Variants in NOTCH2 observed in about 807,000 individuals in gnomAD.
The protein encoded by NOTCH2 is neurogenic locus notch homolog protein 2.
In NOTCH2, 29 loss-of-function variants were observed where a neutral mutation model predicts 235.8. The ratio of observed to expected loss-of-function variants is 0.12; its 90% CI spans 0.09 to 0.17. The LOEUF (loss-of-function observed/expected upper bound fraction) is 0.17, where lower values mean the gene tolerates loss of function less well. Among genes scored for constraint, NOTCH2 ranks in the 10% least tolerant of loss-of-function variants. NOTCH2 has a pLI of 1.00. For synonymous variants in NOTCH2, 1,086 were observed against 1,141.5 expected (o/e 0.95, Z 0.98); for missense variants, 2,285 against 3,150.2 (o/e 0.73, Z 6.57).
Position 119,916,500 on chromosome 1 carries a change from G to C in NOTCH2, c.6222C>G (p.Thr2074=), listed in dbSNP as rs764335447. Residue 2074 remains threonine, a synonymous_variant, in exon 34 of 34, where the codon ACC becomes ACG. Transcript: ENST00000256646. ...CAGGTGAGAGAGCAGAAGTCAACAC[G>C]GTGCCTGGAGGGCTTGGGGTCACAT... ...EYNVTPSPPG[T]VLTSALSPVI... is the part of the protein sequence containing the mutation. 6.2e-7 allele frequency: 1 copy of C among 1,612,274 alleles called. No homozygotes were observed. Among genetic ancestry groups the C allele is most frequent in the Non-Finnish European group, 8.5e-7 (1 of 1,178,406 alleles).
intron 1 of NOTCH2, among the ~76,000 whole-genome samples, chr1:120,063,297 C>T (rs1306431890): frequency 6.6e-6 from 1 of 152,150 alleles, no homozygotes; most frequent in Non-Finnish European, 1.5e-5. Context: ...TCTCTCCACA[C>T]TAACACATCT....
chr1:119,951,367 G>T (rs1650466743), intron 14 of NOTCH2, among the ~76,000 whole-genome samples: 1 of 152,016 alleles, frequency 6.6e-6, no homozygotes, highest in East Asian at 1.9e-4. Flanking sequence ...GCCTAGGCTG[G>T]TCTCCAATTT....
rs587638786 is a variant in NOTCH2, at chr1:120,001,726, C to T, written c.415+3603G>A. The stretch of plus-strand genomic sequence containing the variant: ...TTTGCCTATCCTGCATGCAATGGTT[C>T]TGCCAAGACTACCATCCGCGGACTC... On this transcript the variant is annotated intron_variant, in intron 3 of 33. Coordinates refer to ENST00000256646, the MANE Select transcript of NOTCH2 (RefSeq NM_024408.4). Among the ~76,000 whole-genome samples the T allele has an allele frequency of 3.7e-4, 56 of 152,292 alleles. No individual in the cohort carries two copies. In the South Asian group the frequency reaches 7.1e-3, roughly 19 times the overall value.
rs200812134 is a variant in NOTCH2 at position 120,005,286 on chromosome 1, C to A, written c.415+43G>T. On this transcript the variant is annotated intron_variant, in intron 3 of 33. Transcript: ENST00000256646. ...TCTAAAAGATGCTAAATAAAGGTAT[C>A]TGCTGAAGGTAGGAAACCACTGGCT... 4,834 of 1,613,964 alleles carry A rather than the reference C, an allele frequency of 3.0e-3. 15 individuals are homozygous for A. Among genetic ancestry groups the A allele is most frequent in the Non-Finnish European group, 3.8e-3 (4,427 of 1,179,836 alleles).
chr1:119,988,933 A>C (rs1652122856), intron 4 of NOTCH2, among the ~76,000 whole-genome samples: 1 of 152,232 alleles, frequency 6.6e-6, no homozygotes, highest in South Asian at 2.1e-4. Context: ...CCAACCACAG[A>C]CAAGAAAGCA....
chr1:119,943,619 A>T (rs587636708), intron 17 of NOTCH2, among the ~76,000 whole-genome samples: 10 of 152,324 alleles, frequency 6.6e-5, no homozygotes, highest in African/African-American at 1.2e-4. Context: ...AAAGATTTTT[A>T]AAAAAATTCA....
At position 119,918,544 on chromosome 1, in the gene NOTCH2, G is replaced by A. The variant is rs983208690; in HGVS notation, c.5791C>T (p.Arg1931Cys). 2 of 1,613,960 alleles carry A rather than the reference G, an allele frequency of 1.2e-6. No homozygotes were observed. Among genetic ancestry groups the A allele is most frequent in the South Asian group, 1.1e-5 (1 of 91,086 alleles). ...DAQGVFQILIRNRVTDLDARM... is the reference protein window; with the variant it reads ...DAQGVFQILICNRVTDLDARM... ...GCATCTAGATCAGTTACTCGGTTGC[G>A]AATCAGAATCTAGAAGAGGAGAAAG... is the stretch of plus-strand genomic sequence containing the variant. The change falls in exon 32 of 34, where the codon CGC becomes TGC. Residue 1931 changes from arginine to cysteine, a missense_variant. Physicochemically the swap from Arg to Cys is radical, Grantham distance 180. This residue lies in a region of NOTCH2 where 128 missense variants were observed against 255.9 expected (regional missense o/e 0.50). Transcript: ENST00000256646.
At chr1:119,971,183 C>G (rs1651346028) in intron 5 of NOTCH2, among the ~76,000 whole-genome samples, 1 of 152,222 alleles carries the variant, frequency 6.6e-6, no homozygotes, top group African/African-American at 2.4e-5. Context: ...GGTTGCACAT[C>G]TGTCTCCCAC....
chr1:119,985,045 CTG>C (rs1481622668), intron 5 of NOTCH2, among the ~76,000 whole-genome samples: 2 of 152,070 alleles, frequency 1.3e-5, no homozygotes, highest in African/African-American at 4.8e-5. Flanking sequence ...TACAGGAAAA[CTG>C]TGAGCAGAGA....
intron 4 of NOTCH2, among the ~76,000 whole-genome samples, chr1:119,987,699 T>C (rs1221314541): frequency 6.6e-6 from 1 of 152,160 alleles, no homozygotes; most frequent in Non-Finnish European, 1.5e-5. Context: ...CACTTGCCTA[T>C]CCTGTCTTTC....
Position 119,929,156 on chromosome 1 carries a change from C to T in NOTCH2, c.3712G>A (p.Gly1238Ser). ...DCARGPHCLN[G>S]GQCMDRIGGY... ...CCAATCCTATCCATGCACTGACCAC[C>T]ATTAAGGCAATGGGGACCCCGGGCA... The change falls in exon 23 of 34, where the codon GGT (glycine) becomes AGT (serine). Residue 1238 changes from glycine to serine, a missense_variant. Gly to Ser is a moderately conservative substitution (Grantham distance 56, BLOSUM62 0). Coordinates refer to ENST00000256646, the MANE Select transcript of NOTCH2 (RefSeq NM_024408.4). 1 of 1,614,214 alleles carries T rather than the reference C, an allele frequency of 6.2e-7. No homozygotes were observed. The highest frequency in any genetic ancestry group is 2.2e-5 in the East Asian group (1 of 44,890).
At chr1:119,961,277 T>C (rs1043628523) in intron 11 of NOTCH2, among the ~76,000 whole-genome samples, 2 of 146,700 alleles carry the variant, frequency 1.4e-5, no homozygotes, top group African/African-American at 5.4e-5. Context: ...AAGATTTCCA[T>C]ATTCCCTGCA....
At chr1:119,932,979 T>A (rs1162182499) in intron 22 of NOTCH2, among the ~76,000 whole-genome samples, 1 of 152,158 alleles carries the variant, frequency 6.6e-6, no homozygotes, top group East Asian at 1.9e-4. Flanking sequence ...TTGGTCTATA[T>A]GCATATATGC....
intron 23 of NOTCH2, 26 bp from the exon 24 acceptor site, chr1:119,926,637 T>TA (rs757094322): frequency 5.3e-5 from 82 of 1,555,782 alleles, no homozygotes; most frequent in Non-Finnish European, 6.6e-5. Context: ...ATAAAAAAGG[T>TA]TTTAAAAGGC....
intron 12 of NOTCH2, among the ~76,000 whole-genome samples, chr1:119,957,769 G>C (rs1650759433): frequency 6.6e-6 from 1 of 150,518 alleles, no homozygotes; most frequent in Non-Finnish European, 1.5e-5. Context: ...ATATTAAAAA[G>C]AGAAAGAATA....
intron 1 of NOTCH2, among the ~76,000 whole-genome samples, chr1:120,037,786 T>C (rs1453901655): frequency 6.6e-6 from 1 of 151,646 alleles, no homozygotes; most frequent in East Asian, 1.9e-4. Flanking sequence ...GTGTGTTTTC[T>C]ACCTAAGAGA....
At chr1:120,035,432 T>C (rs1304563453) in intron 1 of NOTCH2, among the ~76,000 whole-genome samples, 1 of 152,086 alleles carries the variant, frequency 6.6e-6, no homozygotes, top group Admixed American at 6.5e-5. Flanking sequence ...TTACCTTACC[T>C]GCCCAGTATT....
rs587700155 is a variant in NOTCH2 at position 119,913,503 on chromosome 1, T to C, written c.*1803A>G. The stretch of plus-strand genomic sequence containing the variant: ...GGCAGAACTTATTTTGCAGGTGTCA[T>C]GGGCATCACAGCACTGGACGGAAGT... On this transcript the variant is annotated 3_prime_UTR_variant, in exon 34 of 34. Transcript: ENST00000256646. 4.3e-6 allele frequency: 1 copy of C among 233,318 alleles called. No individual in the cohort carries two copies. Among genetic ancestry groups the C allele is most frequent in the Admixed American group, 5.6e-5 (1 of 17,806 alleles). 14.5% of individuals were successfully genotyped at this position (233,318 alleles called of 1,614,324 possible). A position where few individuals can be genotyped will look rare whatever the true frequency, so the allele number is the denominator to read the frequency against.
intron 25 of NOTCH2, among the ~76,000 whole-genome samples, 194 bp from the exon 26 acceptor site, chr1:119,924,178 T>C (rs1282137525): frequency 6.6e-6 from 1 of 152,200 alleles, no homozygotes; most frequent in East Asian, 1.9e-4. Context: ...GTTGAGTACT[T>C]CCTAAATGAA....
Sources: gnomAD v4.1 joint callset for allele counts (sites outside exome capture counted in the v4.1 genomes callset) on GRCh38, gnomAD v4.1.1 for gene constraint, gnomAD v4.1.1 regional missense constraint, MANE v1.5 for transcripts, NCBI Gene and HGNC (gene_info 2026-07-23, HGNC 2026-07-21) for gene names.